LRP2: variants seen among roughly 807,000 people sequenced by gnomAD.
LRP2 encodes LDL receptor related protein 2.
In LRP2, 172 loss-of-function variants were observed where a neutral mutation model predicts 531.0. The ratio of observed to expected loss-of-function variants is 0.32; its 90% CI spans 0.29 to 0.37. The LOEUF is 0.37. Among genes scored for constraint, LRP2 ranks in the 10% least tolerant of loss-of-function variants. LRP2 has a pLI of 1.00. For missense variants in LRP2, 5,167 were observed against 5,868.3 expected (o/e 0.88, Z 3.90); for synonymous variants, 1,992 against 2,027.6 (o/e 0.98, Z 0.47).
chr2:169,357,624 C>T (rs1366101686), intron 1 of LRP2, among the ~76,000 whole-genome samples: 1 of 152,068 alleles, frequency 6.6e-6, no homozygotes, highest in Non-Finnish European at 1.5e-5. Flanking sequence ...GCCCCCACGC[C>T]CAGCTCAGCA....
chr2:169,181,627 G>A lies in LRP2; in HGVS notation c.9999-9C>T, dbSNP rs1336068811. On this transcript the variant is annotated splice_polypyrimidine_tract_variant and intron_variant, in intron 51 of 78. Transcript: ENST00000649046. ...CTGCCCAGTAGAGGTACCTGTCAGG[G>A]CAAACACAAAGGGTCAGTCCCTGAT... is the stretch of plus-strand genomic sequence containing the variant. 1.2e-6 allele frequency: 2 copies of A among 1,613,922 alleles called. No homozygotes were observed. The highest frequency in any genetic ancestry group is 2.2e-5 in the South Asian group (2 of 91,068).
Position 169,362,522 on chromosome 2 carries a change from T to C in LRP2, c.-123A>G, listed in dbSNP as rs1686197560. On this transcript the variant is annotated 5_prime_UTR_variant, in exon 1 of 79. Coordinates refer to ENST00000649046, the MANE Select transcript of LRP2 (RefSeq NM_004525.3). ...GGTCTGCACCTCCGCCAGCTCCTAG[T>C]GGCCAAAAGCCTGCCCCCACGCCCG... The C allele has an allele frequency of 1.1e-6, 1 of 871,760 alleles. No individual in the cohort carries two copies. Among genetic ancestry groups the C allele is most frequent in the East Asian group, 2.7e-5 (1 of 37,586 alleles). 54.0% of individuals were successfully genotyped at this position (871,760 alleles called of 1,614,324 possible).
chr2:169,209,553 C>A lies in LRP2; in HGVS notation c.6369G>T (p.Ala2123=), dbSNP rs777517562. Residue 2123 remains alanine (A), a synonymous_variant, in exon 38 of 79, where the codon GCG becomes GCT. Coordinates refer to ENST00000649046, the MANE Select transcript of LRP2 (RefSeq NM_004525.3). ...DFSSSVASDN[A]IRRIKPDGSS... Reference sequence around the variant, plus strand: ...ATCCATCTGGTTTAATTCTACGGATCGCATTATCAGATGCCACTGAGCTGC... The same window carrying A: ...ATCCATCTGGTTTAATTCTACGGATAGCATTATCAGATGCCACTGAGCTGC... The A allele has an allele frequency of 1.2e-6, 2 of 1,614,054 alleles. No individual in the cohort carries two copies. Among genetic ancestry groups the A allele is most frequent in the East Asian group, 2.2e-5 (1 of 44,882 alleles).
intron 16 of LRP2, among the ~76,000 whole-genome samples, chr2:169,259,579 C>G (rs147919094): frequency 2.0e-5 from 3 of 151,936 alleles, no homozygotes; most frequent in Admixed American, 6.6e-5. Context: ...CACCCGGAGA[C>G]GGCTCTGATA....
chr2:169,358,295 C>T (rs1286177191), intron 1 of LRP2, among the ~76,000 whole-genome samples: 1 of 152,186 alleles, frequency 6.6e-6, no homozygotes, highest in Non-Finnish European at 1.5e-5. Context: ...CTATTAACCG[C>T]CTTCCCTTTC....
In LRP2 at chr2:169,259,107, T is replaced by G. The variant is rs781156012; in HGVS notation, c.2431A>C (p.Met811Leu). The G allele has an allele frequency of 1.9e-6, 3 of 1,613,270 alleles. No homozygotes were observed. The highest frequency in any genetic ancestry group is 1.3e-5 in the African/African-American group (1 of 74,986). Residue 811 changes from methionine (M) to leucine (L), a missense_variant, in exon 17 of 79, where the codon ATG becomes CTG. Coordinates refer to ENST00000649046, the MANE Select transcript of LRP2 (RefSeq NM_004525.3). ...TDSHYKSISV[M>L]RLADKTRRTV... ...CGTCTCGTTTTATCAGCTAGCCTCA[T>G]GACACTGATACTCTTGTAATGAGAG...
At chr2:169,336,536 TCACACACACACA>T (rs61573424) in intron 1 of LRP2, among the ~76,000 whole-genome samples, 3 of 145,998 alleles carry the variant, frequency 2.1e-5, no homozygotes, top group South Asian at 2.2e-4. Context: ...CAAGACTCCA[TCACACACACACA>T]CACACACACA....
rs148028118 is a variant in LRP2, at chr2:169,289,056, T to C, written c.1012A>G (p.Ile338Val). Residue 338 changes from isoleucine (I) to valine (V), a missense_variant, in exon 9 of 79, where the codon ATC becomes GTC. Transcript: ENST00000649046. ...CAGGTACGGCTGTCATTGTGGTTGA[T>C]GATATAACCTGGGGGACAAAAACAC... ...GACFCPPGYIINHNDSRTCVE... is the reference protein window; with the variant it reads ...GACFCPPGYIVNHNDSRTCVE... The C allele has an allele frequency of 3.7e-6, 6 of 1,613,950 alleles. No individual in the cohort carries two copies. Among genetic ancestry groups the C allele is most frequent in the Admixed American group, 1.7e-5 (1 of 60,002 alleles).
In LRP2 at chr2:169,246,755, C is replaced by CCCT; in HGVS notation, c.3139_3140insAGG (p.Asp1046_Gly1047insGlu). 1 of 1,614,196 alleles carries CCCT rather than the reference C, an allele frequency of 6.2e-7. No individual in the cohort carries two copies. Among genetic ancestry groups the CCCT allele is most frequent in the Non-Finnish European group, 8.5e-7 (1 of 1,180,046 alleles). ...ACTGTTATCATGACAATCATCGACT[C>CCCT]CATCACAGAGATAGTAATTGGGCAC... On this transcript the variant is annotated inframe_insertion, in exon 21 of 79. Transcript: ENST00000649046.
intron 19 of LRP2, among the ~76,000 whole-genome samples, chr2:169,255,256 C>T (rs1425669697): frequency 6.6e-6 from 1 of 152,162 alleles, no homozygotes; most frequent in African/African-American, 2.4e-5. Flanking sequence ...TGTCTCCTCA[C>T]CCTCTTGGCC....
chr2:169,132,375 C>T (rs1685324844), intron 77 of LRP2, among the ~76,000 whole-genome samples, 199 bp downstream of exon 77: 1 of 152,248 alleles, frequency 6.6e-6, no homozygotes, highest in Admixed American at 6.5e-5. Flanking sequence ...ATTCCCAACT[C>T]GATGTTAGAA....
At chr2:169,181,639 G>T (rs376898904) in intron 51 of LRP2, 21 bp from the exon 52 acceptor site, 1 of 1,613,442 alleles carries the variant, frequency 6.2e-7, no homozygotes, top group South Asian at 1.1e-5. Context: ...AAACACAAAG[G>T]GTCAGTCCCT....
chr2:169,338,369 AAAG>A (rs1425953895), intron 1 of LRP2, among the ~76,000 whole-genome samples: 1 of 116,720 alleles, frequency 8.6e-6, no homozygotes, highest in Non-Finnish European at 1.7e-5. Context: ...GGAAAGAAAG[AAAG>A]AAAGAAAGAA....
At chr2:169,276,348 A>T (rs1473845231) in intron 13 of LRP2, among the ~76,000 whole-genome samples, 1 of 152,124 alleles carries the variant, frequency 6.6e-6, no homozygotes, top group Non-Finnish European at 1.5e-5. Context: ...AAACCACTCA[A>T]ATCTTTTTGA....
At chr2:169,241,392 G>T in intron 24 of LRP2, 27 bp from the exon 25 acceptor site, 1 of 1,612,932 alleles carries the variant, frequency 6.2e-7, no homozygotes, top group African/African-American at 1.3e-5. Flanking sequence ...GGGTAAATCG[G>T]CTTGTGAATG....
intron 3 of LRP2, among the ~76,000 whole-genome samples, chr2:169,308,316 T>C (rs1276564032): frequency 6.6e-6 from 1 of 152,184 alleles, no homozygotes; most frequent in Non-Finnish European, 1.5e-5. Context: ...GTTGGTGTGC[T>C]GCCCCCATTA....
chr2:169,309,806 A>T (rs1000226502), intron 3 of LRP2, among the ~76,000 whole-genome samples: 4 of 152,202 alleles, frequency 2.6e-5, no homozygotes, highest in African/African-American at 9.6e-5. Context: ...TCTATAAATT[A>T]CCTTGGGCAG....
intron 35 of LRP2, 110 bp downstream of exon 35, chr2:169,216,143 C>T: frequency 1.7e-6 from 2 of 1,168,242 alleles, no homozygotes; most frequent in South Asian, 1.3e-5. Context: ...AACACTGGTA[C>T]AAGTTACCAA....
intron 53 of LRP2, 103 bp from the exon 54 acceptor site, chr2:169,176,691 A>C: frequency 2.3e-6 from 2 of 868,362 alleles, no homozygotes; most frequent in Admixed American, 4.4e-5. Flanking sequence ...ACCTCTTAGT[A>C]AAAAAAAAAC....
Sources: allele counts gnomAD v4.1 joint callset (sites outside exome capture counted in the v4.1 genomes callset), GRCh38; gene constraint gnomAD v4.1.1; transcripts MANE v1.5; gene names NCBI Gene and HGNC (gene_info 2026-07-23, HGNC 2026-07-21).